The following BNC2 variants were observed in gnomAD, a reference collection of about 807,000 sequenced individuals.
The protein encoded by BNC2 is basonuclin zinc finger protein 2.
Under a neutral mutation model 76.3 loss-of-function variants are expected in BNC2, and 20 were observed. That is an observed-to-expected ratio of 0.26 (90% CI 0.18 to 0.38). BNC2 has a LOEUF of 0.38. Ranked by LOEUF, BNC2 falls within the 10% of genes least tolerant of loss-of-function variation. BNC2 has a pLI of 1.00. For missense variants in BNC2, 1,382 were observed against 1,399.8 expected (o/e 0.99, Z 0.20); for synonymous variants, 582 against 514.8 (o/e 1.13, Z -1.77).
chr9:16,677,578 A>AACACACACACACACACACACAC (rs57587457), intron 3 of BNC2, among the ~76,000 whole-genome samples: 6,139 of 139,108 alleles, frequency 0.044, 240 homozygotes, highest in African/African-American at 0.09. Context: ...GTCTCAAACA[A>AACACACACACACACACACACAC]ACACACACAC....
In BNC2 at chr9:16,861,861, C is replaced by A. The variant is rs147629839; in HGVS notation, c.3+8785G>T. On this transcript the variant is annotated intron_variant, in intron 1 of 6. Transcript: ENST00000380672. Reference sequence around the variant, plus strand: ...AAAATTAGCCAGTCATGGTGGCGGGCGCCTGTAGTCCCAGCTACTCAGAAG... The same window carrying A: ...AAAATTAGCCAGTCATGGTGGCGGGAGCCTGTAGTCCCAGCTACTCAGAAG... 7.4e-3 allele frequency among the ~76,000 whole-genome samples: 1,131 copies of A among 152,002 alleles called. 11 individuals are homozygous for A. Among genetic ancestry groups the A allele is most frequent in the African/African-American group, 0.025 (1,048 of 41,472 alleles).
At chr9:16,554,909 T>C (rs1276174158) in intron 4 of BNC2, among the ~76,000 whole-genome samples, 2 of 152,380 alleles carry the variant, frequency 1.3e-5, no homozygotes, top group East Asian at 1.9e-4. Flanking sequence ...ACTTGGCACC[T>C]TGCATGTCTG....
intron 3 of BNC2, among the ~76,000 whole-genome samples, chr9:16,609,638 G>A (rs1430523408): frequency 1.3e-5 from 2 of 152,174 alleles, no homozygotes; most frequent in Non-Finnish European, 2.9e-5. Context: ...CAGGTACCTG[G>A]ACAGCAGAAT....
At chr9:16,509,787 T>C (rs1051814313) in intron 5 of BNC2, among the ~76,000 whole-genome samples, 1 of 152,186 alleles carries the variant, frequency 6.6e-6, no homozygotes, top group African/African-American at 2.4e-5. Context: ...AGCTCCAAGT[T>C]ATAAAGTCAT....
rs757845982 is a variant in BNC2, at chr9:16,727,897, T to G, written c.230A>C (p.Asn77Thr). 2 of 1,614,030 alleles carry G rather than the reference T, an allele frequency of 1.2e-6. No homozygotes were observed. Among genetic ancestry groups the G allele is most frequent in the Non-Finnish European group, 1.7e-6 (2 of 1,179,992 alleles). ...DLTLRDSCTD[N>T]SMQFGTRTTT... ...CGTTCTGGTTCCGAACTGCATGGAGTTGTCAGTACAGGAGTCTCTTAAAGT... is the reference window on the plus strand; with the variant it reads ...CGTTCTGGTTCCGAACTGCATGGAGGTGTCAGTACAGGAGTCTCTTAAAGT... The change falls in exon 3 of 7, where the codon AAC (asparagine) becomes ACC (threonine). Residue 77 changes from asparagine (N) to threonine (T), a missense_variant. Coordinates refer to ENST00000380672, the MANE Select transcript of BNC2 (RefSeq NM_017637.6).
intron 3 of BNC2, among the ~76,000 whole-genome samples, chr9:16,708,648 G>A (rs1823748400): frequency 6.6e-6 from 1 of 152,136 alleles, no homozygotes; most frequent in Admixed American, 6.5e-5. Context: ...GAAGGGCGGG[G>A]TGAGAGAGAA....
At chr9:16,451,859 C>T (rs1821347230) in intron 5 of BNC2, among the ~76,000 whole-genome samples, 1 of 152,154 alleles carries the variant, frequency 6.6e-6, no homozygotes, top group South Asian at 2.1e-4. Flanking sequence ...CAAGAAGACT[C>T]AATGCTCACA....
At chr9:16,869,655 G>A (rs975043765) in intron 1 of BNC2, among the ~76,000 whole-genome samples, 2 of 152,198 alleles carry the variant, frequency 1.3e-5, no homozygotes, top group African/African-American at 4.8e-5. Flanking sequence ...AAAAAGAAGG[G>A]AGTGGTCAAG....
chr9:16,751,642 G>GTATA (rs374195030), intron 1 of BNC2, among the ~76,000 whole-genome samples: 1 of 4,322 alleles, frequency 2.3e-4, no homozygotes, highest in African/African-American at 3.4e-4. Context: ...ATGTATATAT[G>GTATA]TATGTGTGTA....
chr9:16,764,054 G>C (rs1357053473), intron 1 of BNC2, among the ~76,000 whole-genome samples: 2 of 152,156 alleles, frequency 1.3e-5, no homozygotes, highest in East Asian at 3.9e-4. Flanking sequence ...ATAAGAGCTG[G>C]GATTGGTTCC....
chr9:16,465,870 GGAAAA>G (rs1481052619), intron 5 of BNC2, among the ~76,000 whole-genome samples: 1 of 151,476 alleles, frequency 6.6e-6, no homozygotes, highest in Admixed American at 6.6e-5. Flanking sequence ...TATTCAATTA[GGAAAA>G]GAGGAAGTCA....
At chr9:16,451,646 C>T (rs190962327) in intron 5 of BNC2, among the ~76,000 whole-genome samples, 1 of 152,256 alleles carries the variant, frequency 6.6e-6, no homozygotes, top group East Asian at 1.9e-4. Context: ...TTCTGGTATG[C>T]CCATTTTCAT....
At chr9:16,833,774 C>A (rs73649045) in intron 1 of BNC2, among the ~76,000 whole-genome samples, 4,015 of 152,238 alleles carry the variant, frequency 0.026, 165 homozygotes, top group African/African-American at 0.092. Flanking sequence ...TGAACTCAAA[C>A]CCTGCTTAAA....
chr9:16,452,314 G>C (rs917901024), intron 5 of BNC2, among the ~76,000 whole-genome samples: 1 of 152,120 alleles, frequency 6.6e-6, no homozygotes, highest in African/African-American at 2.4e-5. Flanking sequence ...TCAGCAAACT[G>C]CAACACTGTC....
chr9:16,869,596 C>G (rs1021266316), intron 1 of BNC2, among the ~76,000 whole-genome samples: 3 of 152,210 alleles, frequency 2.0e-5, no homozygotes, highest in African/African-American at 4.8e-5. Context: ...TACACCATGT[C>G]AGATCCCCAA....
At chr9:16,831,687 C>T (rs1818580741) in intron 1 of BNC2, among the ~76,000 whole-genome samples, 2 of 152,126 alleles carry the variant, frequency 1.3e-5, no homozygotes. Context: ...CCCATATGAA[C>T]AGATTTGGTG....
At chr9:16,841,580 A>G (rs913131414) in intron 1 of BNC2, among the ~76,000 whole-genome samples, 2 of 152,206 alleles carry the variant, frequency 1.3e-5, no homozygotes, top group African/African-American at 2.4e-5. Flanking sequence ...TAAGTTAACA[A>G]TGGAACCCTT....
rs989661673 is a variant in BNC2, at chr9:16,417,272, T to C, written c.*1717A>G. 6.6e-6 allele frequency: 1 copy of C among 152,632 alleles called. No individual in the cohort carries two copies. Among genetic ancestry groups the C allele is most frequent in the Non-Finnish European group, 1.5e-5 (1 of 68,036 alleles). The allele number at this position is 152,632 out of a possible 1,614,324, so 9.5% of individuals were successfully genotyped here. A position where few individuals can be genotyped will look rare whatever the true frequency, so the allele number is the denominator to read the frequency against. On this transcript the variant is annotated 3_prime_UTR_variant, in exon 7 of 7. Coordinates refer to ENST00000380672, the MANE Select transcript of BNC2 (RefSeq NM_017637.6). ...ATGTTGTGGTAGCTGAGGCTGCCGA[T>C]GTGGTTAACCAGCTCAGGCAACATG...
At chr9:16,810,360 C>A (rs1413295094) in intron 1 of BNC2, among the ~76,000 whole-genome samples, 1 of 152,204 alleles carries the variant, frequency 6.6e-6, no homozygotes, top group South Asian at 2.1e-4. Flanking sequence ...TTCAGCCTTG[C>A]AAAACCAAGG....
Sources: allele counts gnomAD v4.1 joint callset (sites outside exome capture counted in the v4.1 genomes callset), GRCh38; gene constraint gnomAD v4.1.1; transcripts MANE v1.5; gene names NCBI Gene and HGNC (gene_info 2026-07-23, HGNC 2026-07-21).